The following GLCE variants were observed in gnomAD, a reference collection of about 807,000 sequenced individuals.
GLCE encodes glucuronic acid epimerase, also known as D-glucuronyl C5-epimerase.
Under a neutral mutation model 47.9 loss-of-function variants are expected in GLCE, and 19 were observed. The ratio of observed to expected loss-of-function variants is 0.40; its 90% CI spans 0.28 to 0.58. The LOEUF is 0.58. Among genes scored for constraint, GLCE ranks in the 20% least tolerant of loss-of-function variants. The pLI is 0.48. For synonymous variants in GLCE, 245 were observed against 263.4 expected, an observed-to-expected ratio of 0.93 and a Z score of 0.68; for missense variants, 556 against 743.3, an observed-to-expected ratio of 0.75 and a Z score of 2.93.
At chr15:69,219,107 C>A (rs2140386462) in intron 2 of GLCE, among the ~76,000 whole-genome samples, 1 of 152,054 alleles carries the variant, frequency 6.6e-6, no homozygotes, top group South Asian at 2.1e-4. Flanking sequence ...ACATTAATAA[C>A]TTCATGTAGA....
intron 1 of GLCE, among the ~76,000 whole-genome samples, chr15:69,179,305 A>G (rs1334134804): frequency 6.6e-6 from 1 of 152,224 alleles, no homozygotes; most frequent in Non-Finnish European, 1.5e-5. Context: ...GTATGTAATT[A>G]TAGATTCACA....
chr15:69,217,213 C>T (rs899380683), intron 2 of GLCE, among the ~76,000 whole-genome samples: 3 of 151,766 alleles, frequency 2.0e-5, no homozygotes, highest in African/African-American at 7.2e-5. Context: ...GTATATATAA[C>T]TTACATTAAT....
intron 1 of GLCE, among the ~76,000 whole-genome samples, chr15:69,168,923 T>C (rs1030732110): frequency 6.6e-6 from 1 of 152,158 alleles, no homozygotes; most frequent in Admixed American, 6.5e-5. Flanking sequence ...GCTCAATGAA[T>C]TACATATGTA....
chr15:69,252,655 AGG>A (rs1351256986), intron 2 of GLCE, among the ~76,000 whole-genome samples: 1 of 152,186 alleles, frequency 6.6e-6, no homozygotes, highest in African/African-American at 2.4e-5. Flanking sequence ...TAGTGGAGGA[AGG>A]GCACTTCTCA....
intron 1 of GLCE, among the ~76,000 whole-genome samples, chr15:69,208,819 A>G (rs1030643969): frequency 9.2e-5 from 14 of 152,090 alleles, no homozygotes; most frequent in African/African-American, 1.4e-4. Flanking sequence ...TGTTGTTAGC[A>G]TATAGCTCTT....
chr15:69,258,611 G>T (rs2052968317), intron 3 of GLCE, among the ~76,000 whole-genome samples: 1 of 151,966 alleles, frequency 6.6e-6, no homozygotes, highest in Admixed American at 6.6e-5. Flanking sequence ...GTACATAGTA[G>T]GTGTATGTAT....
rs552363557 is a variant in GLCE, at chr15:69,209,966, A to C, written c.-104-350A>C. ...TGGCTGGGCTTGAGAGAGTGAAGAG[A>C]GAAAAAAACGGGGGGATTTGCACAC... On this transcript the variant is annotated intron_variant, in intron 1 of 4. Transcript: ENST00000261858. Among the ~76,000 whole-genome samples the C allele has an allele frequency of 4.6e-5, 7 of 152,122 alleles. No homozygotes were observed. In the East Asian group the frequency reaches 1.4e-3, roughly 29 times the overall value.
chr15:69,268,689 G>A lies in GLCE; in HGVS notation c.1299G>A (p.Gly433=), dbSNP rs769357133. Reference sequence around the variant, plus strand: ...TGGTGACCCGTAAGTTAGGGGAAGGGTTCAAGTCTTTAGAGCCAGGATGGT... The same window carrying A: ...TGGTGACCCGTAAGTTAGGGGAAGGATTCAAGTCTTTAGAGCCAGGATGGT... The part of the protein sequence containing the change: ...PIMVTRKLGE[G]FKSLEPGWYS... Residue 433 remains glycine (G), a synonymous_variant, in exon 5 of 5, where the codon GGG becomes GGA. Coordinates refer to ENST00000261858, the MANE Select transcript of GLCE (RefSeq NM_015554.3). The A allele has an allele frequency of 1.3e-5, 21 of 1,614,074 alleles. No individual in the cohort carries two copies. The highest frequency in any genetic ancestry group is 1.8e-5 in the Non-Finnish European group (21 of 1,180,036).
intron 2 of GLCE, among the ~76,000 whole-genome samples, chr15:69,217,828 G>T (rs1164806170): frequency 6.6e-6 from 1 of 152,160 alleles, no homozygotes; most frequent in Non-Finnish European, 1.5e-5. Context: ...AAGGAGGCGT[G>T]ATTACACACA....
intron 2 of GLCE, among the ~76,000 whole-genome samples, chr15:69,234,274 C>T (rs1466976041): frequency 1.3e-5 from 2 of 152,168 alleles, no homozygotes; most frequent in South Asian, 2.1e-4. Flanking sequence ...CCATTGCTCC[C>T]GGCCAGAAGA....
intron 1 of GLCE, among the ~76,000 whole-genome samples, chr15:69,182,582 G>C (rs1376527785): frequency 6.6e-6 from 1 of 152,164 alleles, no homozygotes; most frequent in Non-Finnish European, 1.5e-5. Flanking sequence ...TGGGTAAGAA[G>C]GGGATTGAGG....
chr15:69,169,704 C>T (rs2051559961), intron 1 of GLCE, among the ~76,000 whole-genome samples: 1 of 152,156 alleles, frequency 6.6e-6, no homozygotes, highest in African/African-American at 2.4e-5. Context: ...TCATCCATGT[C>T]CCTACAAAGG....
At chr15:69,193,597 C>T (rs2051945205) in intron 1 of GLCE, among the ~76,000 whole-genome samples, 1 of 152,114 alleles carries the variant, frequency 6.6e-6, no homozygotes, top group East Asian at 2.0e-4. Flanking sequence ...AAAAAATCTC[C>T]TATGCCTTTG....
chr15:69,203,636 T>C (rs898521737), intron 1 of GLCE, among the ~76,000 whole-genome samples: 3 of 152,148 alleles, frequency 2.0e-5, no homozygotes, highest in African/African-American at 7.2e-5. Flanking sequence ...TTTTTCCAAA[T>C]GTGTTCCTGG....
At chr15:69,246,163 G>T (rs1019143638) in intron 2 of GLCE, among the ~76,000 whole-genome samples, 28 of 152,224 alleles carry the variant, frequency 1.8e-4, no homozygotes, top group African/African-American at 6.7e-4. Context: ...TGGTTCTCTT[G>T]CTGTTTTCAC....
chr15:69,164,164 A>G (rs1290645069), intron 1 of GLCE, among the ~76,000 whole-genome samples: 2 of 151,928 alleles, frequency 1.3e-5, no homozygotes, highest in East Asian at 3.8e-4. Flanking sequence ...CTTTTTGTCA[A>G]ACATATACAC....
At chr15:69,170,569 C>G (rs1003086577) in intron 1 of GLCE, among the ~76,000 whole-genome samples, 1 of 151,962 alleles carries the variant, frequency 6.6e-6, no homozygotes, top group Non-Finnish European at 1.5e-5. Flanking sequence ...TTTGTGTGTG[C>G]ATGCATGTGT....
chr15:69,163,806 T>C (rs919328265), intron 1 of GLCE, among the ~76,000 whole-genome samples: 1 of 152,226 alleles, frequency 6.6e-6, no homozygotes, highest in Non-Finnish European at 1.5e-5. Flanking sequence ...TCAGTCACTA[T>C]GCAAATGGTG....
chr15:69,196,183 G>C (rs2051987908), intron 1 of GLCE, among the ~76,000 whole-genome samples: 1 of 152,104 alleles, frequency 6.6e-6, no homozygotes. Flanking sequence ...GAAAGTGTGT[G>C]CCTAGTATGT....
Sources: gnomAD v4.1 joint callset for allele counts (sites outside exome capture counted in the v4.1 genomes callset) on GRCh38, gnomAD v4.1.1 for gene constraint, MANE v1.5 for transcripts, NCBI Gene and HGNC (gene_info 2026-07-23, HGNC 2026-07-21) for gene names.